The following CASP8 variants were observed in gnomAD, a reference collection of about 807,000 sequenced individuals.
The protein encoded by CASP8 is caspase-8.
A neutral mutation model predicts 46.3 loss-of-function variants in CASP8; 24 were observed. The ratio of observed to expected loss-of-function variants is 0.52; its 90% CI spans 0.38 to 0.73. The LOEUF is 0.73. Among genes scored for constraint, CASP8 ranks in the 30% least tolerant of loss-of-function variants. The probability of loss-of-function intolerance (pLI) is 0.00; values close to 1 mark genes in which losing one functional copy is unlikely to be tolerated. For missense variants in CASP8, 460 were observed against 559.0 expected, an observed-to-expected ratio of 0.82 and a Z score of 1.79; for synonymous variants, 188 against 200.4, an observed-to-expected ratio of 0.94 and a Z score of 0.52.
intron 7 of CASP8, chr2:201,281,688 GTTT>G: frequency 2.7e-6 from 1 of 365,466 alleles, no homozygotes; most frequent in Non-Finnish European, 4.9e-6. Context: ...AAATTGTTTT[GTTT>G]TTTTCTGATT....
At chr2:201,239,329 T>C (rs998172711) in intron 2 of CASP8, among the ~76,000 whole-genome samples, 6 of 151,588 alleles carry the variant, frequency 4.0e-5, no homozygotes, top group Admixed American at 2.6e-4. Context: ...GCTCCTCACC[T>C]CCCAGTAGGG....
intron 3 of CASP8, among the ~76,000 whole-genome samples, chr2:201,271,994 CGT>C (rs1185083400): frequency 6.6e-6 from 1 of 151,672 alleles, no homozygotes; most frequent in African/African-American, 2.4e-5. Context: ...TGTGTATTTC[CGT>C]GTCTGTGTGT....
chr2:201,238,708 G>A (rs1946162751), intron 2 of CASP8, among the ~76,000 whole-genome samples: 1 of 152,150 alleles, frequency 6.6e-6, no homozygotes, highest in Non-Finnish European at 1.5e-5. Flanking sequence ...CTTCAAAAGT[G>A]CTAGGATTAC....
intron 2 of CASP8, among the ~76,000 whole-genome samples, chr2:201,269,007 C>T (rs574815667): frequency 4.6e-5 from 7 of 151,440 alleles, no homozygotes; most frequent in Non-Finnish European, 1.0e-4. Context: ...GGCATGATCT[C>T]GGCTCAGTGC....
At chr2:201,255,629 TG>T (rs1235780115), upstream of CASP8, among the ~76,000 whole-genome samples, 3 of 152,256 alleles carry the variant, frequency 2.0e-5, 1 homozygote, top group Admixed American at 6.5e-5. Flanking sequence ...GTTCATGCAC[TG>T]GCCCTGCCAT....
chr2:201,233,928 G>C (rs1172027946), intron 1 of CASP8: 1 of 152,276 alleles, frequency 6.6e-6, no homozygotes, highest in East Asian at 1.9e-4. Flanking sequence ...GAGGCTGCGG[G>C]CTGCGGGTCA....
chr2:201,243,306 G>A (rs1946379882), intron 2 of CASP8, among the ~76,000 whole-genome samples: 1 of 151,982 alleles, frequency 6.6e-6, no homozygotes, highest in Non-Finnish European at 1.5e-5. Context: ...TACATAAAAA[G>A]GTCAATACCT....
intron 2 of CASP8, among the ~76,000 whole-genome samples, chr2:201,245,864 CTTTTTTTTT>C (rs60096366): frequency 1.6e-5 from 2 of 124,458 alleles, no homozygotes; most frequent in African/African-American, 6.6e-5. Context: ...CTTGTTTGTT[CTTTTTTTTT>C]TTTTTTTTTT....
chr2:201,235,293 G>T (rs1026855041), intron 2 of CASP8, among the ~76,000 whole-genome samples: 3 of 152,006 alleles, frequency 2.0e-5, no homozygotes, highest in Non-Finnish European at 4.4e-5. Context: ...TCTTATACTT[G>T]AAATGTGTCT....
Position 201,284,825 on chromosome 2 carries a change from C to T in CASP8, c.812C>T (p.Thr271Ile), listed in dbSNP as rs1553607264. The T allele has an allele frequency of 6.2e-7, 1 of 1,613,290 alleles. No homozygotes were observed. Among genetic ancestry groups the T allele is most frequent in the African/African-American group, 1.3e-5 (1 of 74,550 alleles). Reference protein sequence around the residue: ...NGTHLDAGALTTTFEELHFEI... With the variant: ...NGTHLDAGALITTFEELHFEI... ...AAATTTCACTTTTCAGGGGCTTTGA[C>T]CACGACCTTTGAAGAGCTTCATTTT... The change falls in exon 8 of 9, where the codon ACC becomes ATC. Residue 271 changes from threonine (T) to isoleucine (I), a missense_variant. Coordinates refer to ENST00000673742, the MANE Select transcript of CASP8 (RefSeq NM_001372051.1).
rs1404750392 is a variant in CASP8 at position 201,283,343 on chromosome 2, C to A, written c.803-1473C>A. Among the ~76,000 whole-genome samples, 507 of 67,734 alleles carry A rather than the reference C, an allele frequency of 7.5e-3. 1 individual carries two copies. The highest frequency in any genetic ancestry group is 0.027 in the African/African-American group (469 of 17,672). 44.4% of individuals were successfully genotyped at this position (67,734 alleles called of 152,430 possible). ...CTCCTCACTTCCCAGTAGGGGCGGC[C>A]GGGCAGAGGCGCCCCTCACCTCCCG... On this transcript the variant is annotated intron_variant, in intron 7 of 8. Transcript: ENST00000673742.
intron 6 of CASP8, among the ~76,000 whole-genome samples, chr2:201,276,183 C>T (rs1370171300): frequency 6.6e-6 from 1 of 152,162 alleles, no homozygotes; most frequent in African/African-American, 2.4e-5. Flanking sequence ...ACAGCGCCAT[C>T]CCTGGCCAGT....
intron 2 of CASP8, chr2:201,242,825 G>A (rs895419824): frequency 6.6e-6 from 1 of 152,178 alleles, no homozygotes; most frequent in Non-Finnish European, 1.5e-5. Context: ...TAGCCAAGAT[G>A]TGCAAACAAC....
chr2:201,262,994 T>C (rs10084352), intron 1 of CASP8, among the ~76,000 whole-genome samples: 12,577 of 152,230 alleles, frequency 0.083, 937 homozygotes, highest in African/African-American at 0.2. Context: ...CCCTTCTAAA[T>C]GTCAGTTATG....
chr2:201,255,995 C>T (rs1337312556), upstream of CASP8, among the ~76,000 whole-genome samples: 3 of 152,278 alleles, frequency 2.0e-5, no homozygotes, highest in South Asian at 6.2e-4. Flanking sequence ...TGGGCTCAAG[C>T]GATCATCCTG....
Position 201,266,741 on chromosome 2 carries a change from G to A in CASP8, c.255G>A (p.Glu85=). 1 of 1,613,848 alleles carries A rather than the reference G, an allele frequency of 6.2e-7. No homozygotes were observed. Among genetic ancestry groups the A allele is most frequent in the Non-Finnish European group, 8.5e-7 (1 of 1,179,748 alleles). The change falls in exon 2 of 9, where the codon GAG becomes GAA. Residue 85 remains glutamate (E), a synonymous_variant. Coordinates refer to ENST00000673742, the MANE Select transcript of CASP8 (RefSeq NM_001372051.1). This position sits in a 1 kb window ranked among gnomAD's most constrained non-coding sequence, Gnocchi z 5.7. ...CCTACCTAAACACTAGAAAGGAGGA[G>A]ATGGAAAGGGAACTTCAGACACCAG... The part of the protein sequence containing the change: ...LITYLNTRKE[E]MERELQTPGR...
At chr2:201,267,384 C>T (rs3754934) in intron 2 of CASP8, among the ~76,000 whole-genome samples, 3 of 151,976 alleles carry the variant, frequency 2.0e-5, no homozygotes, top group African/African-American at 7.3e-5. Flanking sequence ...CTTAAAGACT[C>T]GAATGACTAA....
At position 201,266,530 on chromosome 2, in the gene CASP8, A is replaced by G; in HGVS notation, c.44A>G (p.Asp15Gly). 2 of 1,614,216 alleles carry G rather than the reference A, an allele frequency of 1.2e-6. No individual in the cohort carries two copies. Among genetic ancestry groups the G allele is most frequent in the Non-Finnish European group, 1.7e-6 (2 of 1,180,004 alleles). The part of the protein sequence containing the change: ...RNLYDIGEQL[D>G]SEDLASLKFL... ...CTTTATGATATTGGGGAACAACTGG[A>G]CAGTGAAGATCTGGCCTCCCTCAAG... is the stretch of plus-strand genomic sequence containing the variant. Residue 15 changes from aspartate to glycine, a missense_variant, in exon 2 of 9, where the codon GAC (aspartate) becomes GGC (glycine). Physicochemically the swap from Asp to Gly is moderately conservative, Grantham distance 94. Coordinates refer to ENST00000673742, the MANE Select transcript of CASP8 (RefSeq NM_001372051.1). The surrounding 1 kb of genome is among the most constrained non-coding windows in gnomAD (Gnocchi z 5.7).
chr2:201,247,175 T>G (rs1576219415), intron 2 of CASP8, among the ~76,000 whole-genome samples: 3 of 114,356 alleles, frequency 2.6e-5, no homozygotes, highest in African/African-American at 3.6e-5. Flanking sequence ...GGCGGCAGAG[T>G]GAGACTGTCT....
Sources: allele counts gnomAD v4.1 joint callset (sites outside exome capture counted in the v4.1 genomes callset), GRCh38; gene constraint gnomAD v4.1.1; non-coding constraint Gnocchi (gnomAD v3.1); transcripts MANE v1.5; gene names NCBI Gene and HGNC (gene_info 2026-07-23, HGNC 2026-07-21).